Variants in KDM1B observed in about 807,000 individuals in gnomAD.
The protein encoded by KDM1B is lysine-specific histone demethylase 2.
KDM1B carries 63 observed loss-of-function variants against 107.4 expected under a neutral mutation model. The observed-to-expected ratio is 0.59, with a 90% CI of 0.48 to 0.72. The LOEUF (loss-of-function observed/expected upper bound fraction) is 0.72, where lower values mean the gene tolerates loss of function less well. Among genes scored for constraint, KDM1B ranks in the 30% least tolerant of loss-of-function variants. The probability of loss-of-function intolerance (pLI) is 0.00; values close to 1 mark genes in which losing one functional copy is unlikely to be tolerated. For synonymous variants in KDM1B, 363 were observed against 363.9 expected (o/e 1.00, Z 0.03); for missense variants, 749 against 1,020.8 (o/e 0.73, Z 3.63).
rs1378211900 is a variant in KDM1B at position 18,162,269 on chromosome 6, C to T, written c.216-566C>T. On this transcript the variant is annotated intron_variant, in intron 4 of 21. Coordinates refer to ENST00000650836, the MANE Select transcript of KDM1B (RefSeq NM_001364614.2). This position sits in a 1 kb window ranked among gnomAD's most constrained non-coding sequence, Gnocchi z 4.1. Reference sequence around the variant, plus strand: ...CCAGGAGGCAGAGGTTGCAATGAGCCTGAGATCGTGCCACTGTACTCCAGC... The same window carrying T: ...CCAGGAGGCAGAGGTTGCAATGAGCTTGAGATCGTGCCACTGTACTCCAGC... 6.6e-6 allele frequency among the ~76,000 whole-genome samples: 1 copy of T among 152,140 alleles called. No homozygotes were observed. Among genetic ancestry groups the T allele is most frequent in the Non-Finnish European group, 1.5e-5 (1 of 68,030 alleles).
At chr6:18,210,888 A>G (rs1788811741) in intron 17 of KDM1B, among the ~76,000 whole-genome samples, 1 of 152,084 alleles carries the variant, frequency 6.6e-6, no homozygotes, top group African/African-American at 2.4e-5. Flanking sequence ...GGTCCCAGCT[A>G]CTACAAGAAG....
In KDM1B at chr6:18,212,690, A is replaced by G. The variant is rs1304882584; in HGVS notation, c.1983+86A>G. ...CTTCTGATATGGAGAAGTAGTGGGTACTATCTAAATACAAATAAAACTCAA... is the reference window on the plus strand; with the variant it reads ...CTTCTGATATGGAGAAGTAGTGGGTGCTATCTAAATACAAATAAAACTCAA... On this transcript the variant is annotated intron_variant, in intron 18 of 21. Transcript: ENST00000650836. The surrounding 1 kb of genome is among the most constrained non-coding windows in gnomAD (Gnocchi z 5.2). 1.2e-6 allele frequency: 1 copy of G among 845,928 alleles called. No homozygotes were observed. The highest frequency in any genetic ancestry group is 2.1e-6 in the Non-Finnish European group (1 of 486,786). The allele number at this position is 845,928 out of a possible 1,614,324, so 52.4% of individuals were successfully genotyped here.
At chr6:18,156,268 C>T (rs1013456238) in intron 2 of KDM1B, among the ~76,000 whole-genome samples, 1 of 152,104 alleles carries the variant, frequency 6.6e-6, no homozygotes, top group Admixed American at 6.5e-5. Context: ...TGTTAGTCAA[C>T]GGCCGGGCAG....
chr6:18,191,471 A>T lies in KDM1B; in HGVS notation c.969+90A>T. ...ACTTCATCTGGGGATGGAACCTTTT[A>T]TGCCAGGGTTTCTCAGCCGTGCCTC... On this transcript the variant is annotated intron_variant, in intron 10 of 21. Transcript: ENST00000650836. This position sits in a 1 kb window ranked among gnomAD's most constrained non-coding sequence, Gnocchi z 5.1. The T allele has an allele frequency of 7.4e-7, 1 of 1,355,628 alleles. No homozygotes were observed. The highest frequency in any genetic ancestry group is 2.4e-5 in the Admixed American group (1 of 41,084). 84.0% of individuals were successfully genotyped at this position (1,355,628 alleles called of 1,614,324 possible).
At chr6:18,184,903 T>G (rs1156920002) in intron 7 of KDM1B, among the ~76,000 whole-genome samples, 1 of 151,804 alleles carries the variant, frequency 6.6e-6, no homozygotes, top group East Asian at 1.9e-4. Flanking sequence ...GCCTGGCTGA[T>G]TTTTGCAATT....
Position 18,221,890 on chromosome 6 carries a change from A to T in KDM1B, c.2386-19A>T. Reference sequence around the variant, plus strand: ...TCAACTCTATGCATGATCTCAAATTATGTAATTATGTTTTACAGGCAACAA... The same window carrying T: ...TCAACTCTATGCATGATCTCAAATTTTGTAATTATGTTTTACAGGCAACAA... On this transcript the variant is annotated intron_variant, in intron 21 of 21. Coordinates refer to ENST00000650836, the MANE Select transcript of KDM1B (RefSeq NM_001364614.2). The T allele has an allele frequency of 6.3e-7, 1 of 1,575,958 alleles. No homozygotes were observed. The highest frequency in any genetic ancestry group is 8.7e-7 in the Non-Finnish European group (1 of 1,155,326).
rs1264178936 is a variant in KDM1B, at chr6:18,205,601, G to A, written c.1596G>A (p.Glu532=). Residue 532 remains glutamate (E), a synonymous_variant, in exon 15 of 22, where the codon GAG becomes GAA. Transcript: ENST00000650836. This position sits in a 1 kb window ranked among gnomAD's most constrained non-coding sequence, Gnocchi z 5.7. ...KESGIQFSEL[E]GQVLQFHLSN... ...CTGGTATCCAATTCAGTGAGCTGGA[G>A]GGACAGGTGCTTCAGTTCCATCTCA... The A allele has an allele frequency of 9.1e-6, 14 of 1,544,696 alleles. No homozygotes were observed. The South Asian group carries it at 1.7e-4, about 18-fold the overall frequency.
intron 15 of KDM1B, among the ~76,000 whole-genome samples, chr6:18,206,456 G>T (rs1788379023): frequency 6.6e-6 from 1 of 152,202 alleles, no homozygotes; most frequent in South Asian, 2.1e-4. Context: ...GTTCAAAGCT[G>T]CAGTTAGCTG....
Position 18,201,753 on chromosome 6 carries a change from C to A in KDM1B, c.1531+96C>A. 1 of 1,041,996 alleles carries A rather than the reference C, an allele frequency of 9.6e-7. No individual in the cohort carries two copies. The highest frequency in any genetic ancestry group is 1.4e-6 in the Non-Finnish European group (1 of 724,098). The allele number at this position is 1,041,996 out of a possible 1,614,324, so 64.5% of individuals were successfully genotyped here. On this transcript the variant is annotated intron_variant, in intron 14 of 21. Coordinates refer to ENST00000650836, the MANE Select transcript of KDM1B (RefSeq NM_001364614.2). This position sits in a 1 kb window ranked among gnomAD's most constrained non-coding sequence, Gnocchi z 4.3. ...ATTGTTCATTTGCGAGGTCGGATGTCGGCAACAGGGTAGCCCTCCTGAGCA... is the reference window on the plus strand; with the variant it reads ...ATTGTTCATTTGCGAGGTCGGATGTAGGCAACAGGGTAGCCCTCCTGAGCA...
chr6:18,167,113 T>G (rs953388818), intron 6 of KDM1B, among the ~76,000 whole-genome samples: 19 of 152,048 alleles, frequency 1.2e-4, no homozygotes, highest in African/African-American at 4.6e-4. Context: ...TCCTAGCACT[T>G]TGGGAGGCTG....
At position 18,205,456 on chromosome 6, in the gene KDM1B, CAG is replaced by C; in HGVS notation, c.1532-78_1532-77del. The C allele has an allele frequency of 1.4e-6, 2 of 1,396,140 alleles. No individual in the cohort carries two copies. Among genetic ancestry groups the C allele is most frequent in the Middle Eastern group, 4.1e-4 (2 of 4,912 alleles). 86.5% of individuals were successfully genotyped at this position (1,396,140 alleles called of 1,614,324 possible). The stretch of plus-strand genomic sequence containing the variant: ...GGAAGTTTTGGGTGTTGCTGGGTGA[CAG>C]AGGTTGAAAGCAAAGGAGAAAGAAT... On this transcript the variant is annotated intron_variant, in intron 14 of 21. Transcript: ENST00000650836. The surrounding 1 kb of genome is among the most constrained non-coding windows in gnomAD (Gnocchi z 5.7).
chr6:18,177,910 T>A (rs1183811313), intron 7 of KDM1B, among the ~76,000 whole-genome samples: 3 of 152,206 alleles, frequency 2.0e-5, no homozygotes, highest in Non-Finnish European at 4.4e-5. Flanking sequence ...ACAGAAAATG[T>A]TTCCTGACCC....
chr6:18,192,032 G>C (rs1787311427), intron 10 of KDM1B, among the ~76,000 whole-genome samples: 1 of 152,188 alleles, frequency 6.6e-6, no homozygotes. Flanking sequence ...GCTGAGGCAG[G>C]AGGATCGCTT....
Position 18,164,731 on chromosome 6 carries a change from C to T in KDM1B, c.306-1536C>T, listed in dbSNP as rs141018199. 1.8e-3 allele frequency among the ~76,000 whole-genome samples: 271 copies of T among 151,060 alleles called. 1 individual carries two copies. The highest frequency in any genetic ancestry group is 5.7e-3 in the African/African-American group (236 of 41,140). On this transcript the variant is annotated intron_variant, in intron 5 of 21. Coordinates refer to ENST00000650836, the MANE Select transcript of KDM1B (RefSeq NM_001364614.2). ...CGTGATCTTGGCTCACTGCAACTTC[C>T]GCCTCCTGGGTTCAAGTGATTCTCG...
intron 21 of KDM1B, among the ~76,000 whole-genome samples, chr6:18,219,674 G>A (rs929731151): frequency 6.6e-5 from 10 of 152,170 alleles, no homozygotes; most frequent in African/African-American, 1.9e-4. Context: ...GTCTTTGCCT[G>A]CTACATGTCC....
At chr6:18,160,701 G>A (rs1449459263) in intron 3 of KDM1B, among the ~76,000 whole-genome samples, 2 of 151,022 alleles carry the variant, frequency 1.3e-5, no homozygotes, top group African/African-American at 2.4e-5. Flanking sequence ...TGGCGCCACT[G>A]CATTGCAGCC....
In KDM1B at chr6:18,217,711, A is replaced by G. The variant is rs1210166937; in HGVS notation, c.2233-22A>G. ...ACATCCCTTCTTGATCCTACTTCAT[A>G]ATTCCTTTCTATTGGACATAGGAGG... On this transcript the variant is annotated intron_variant, in intron 20 of 21. Coordinates refer to ENST00000650836, the MANE Select transcript of KDM1B (RefSeq NM_001364614.2). 1.0e-5 allele frequency: 16 copies of G among 1,606,268 alleles called. 1 individual carries two copies. In the South Asian group the frequency reaches 1.8e-4, roughly 18 times the overall value.
chr6:18,208,615 A>G (rs868137093), intron 17 of KDM1B, among the ~76,000 whole-genome samples: 15 of 31,778 alleles, frequency 4.7e-4, no homozygotes, highest in East Asian at 3.5e-3. Flanking sequence ...ATATATATAT[A>G]TATATATATA....
chr6:18,167,898 A>T (rs12662531), intron 6 of KDM1B, among the ~76,000 whole-genome samples: 2 of 151,994 alleles, frequency 1.3e-5, no homozygotes, highest in African/African-American at 4.8e-5. Flanking sequence ...GAGCAGCTGG[A>T]ACTATAGAGT....
Sources: gnomAD v4.1 joint callset for allele counts (sites outside exome capture counted in the v4.1 genomes callset) on GRCh38, gnomAD v4.1.1 for gene constraint, Gnocchi (gnomAD v3.1) non-coding constraint, MANE v1.5 for transcripts, NCBI Gene and HGNC (gene_info 2026-07-23, HGNC 2026-07-21) for gene names.